SPRYD7: variants seen among roughly 807,000 people sequenced by gnomAD.
The protein encoded by SPRYD7 is SPRY domain containing 7, also known as SPRY domain-containing protein 7.
A neutral mutation model predicts 23.8 loss-of-function variants in SPRYD7; 14 were observed. The ratio of observed to expected loss-of-function variants is 0.59; its 90% CI spans 0.39 to 0.92. SPRYD7 has a LOEUF of 0.92. Among genes scored for constraint, SPRYD7 ranks in the 40% least tolerant of loss-of-function variants. The probability of loss-of-function intolerance (pLI) is 0.00; values close to 1 mark genes in which losing one functional copy is unlikely to be tolerated. For missense variants in SPRYD7, 194 were observed against 241.7 expected, an observed-to-expected ratio of 0.80 and a Z score of 1.31; for synonymous variants, 75 against 84.9, an observed-to-expected ratio of 0.88 and a Z score of 0.64.
intron 3 of SPRYD7, 140 bp from the exon 4 acceptor site, chr13:49,921,720 T>G (rs1175569500): frequency 1.7e-6 from 1 of 589,942 alleles, no homozygotes; most frequent in East Asian, 2.8e-5. Flanking sequence ...GAATCCTACT[T>G]GAACTGAGCT....
intron 4 of SPRYD7, among the ~76,000 whole-genome samples, chr13:49,917,180 T>C (rs1283783942): frequency 2.0e-5 from 3 of 152,140 alleles, no homozygotes; most frequent in Non-Finnish European, 2.9e-5. Flanking sequence ...CTCGGCTCAC[T>C]GCAAGCTCCG....
At chr13:49,923,984 CTT>C (rs1288975552) in intron 3 of SPRYD7, among the ~76,000 whole-genome samples, 50 of 135,228 alleles carry the variant, frequency 3.7e-4, no homozygotes, top group East Asian at 4.2e-4. Flanking sequence ...GAGACAAGGT[CTT>C]TTTTTTTTTT....
intron 2 of SPRYD7, among the ~76,000 whole-genome samples, chr13:49,929,966 C>T (rs918018236): frequency 2.0e-5 from 3 of 151,438 alleles, no homozygotes; most frequent in Non-Finnish European, 4.4e-5. Flanking sequence ...ATTTTTGTAT[C>T]TTTAGTAGAG....
chr13:49,923,113 AACTT>A (rs1025566849), intron 3 of SPRYD7, among the ~76,000 whole-genome samples: 8 of 152,222 alleles, frequency 5.3e-5, no homozygotes. Context: ...AAAAAACAAA[AACTT>A]AATTACATAA....
chr13:49,927,785 A>G (rs1246419969), intron 3 of SPRYD7, 134 bp downstream of exon 3: 6 of 886,092 alleles, frequency 6.8e-6, no homozygotes, highest in Non-Finnish European at 1.0e-5. Context: ...TCTCCTGGAA[A>G]ATGCACCATC....
intron 4 of SPRYD7, among the ~76,000 whole-genome samples, chr13:49,916,974 A>G (rs1229973432): frequency 6.6e-6 from 1 of 152,240 alleles, no homozygotes; most frequent in Non-Finnish European, 1.5e-5. Flanking sequence ...GGTAGAAGGC[A>G]AGGCATTTTC....
intron 3 of SPRYD7, among the ~76,000 whole-genome samples, chr13:49,923,618 A>T (rs941011234): frequency 1.3e-5 from 2 of 152,148 alleles, no homozygotes; most frequent in African/African-American, 4.8e-5. Context: ...AAGATGTGAG[A>T]AGTCCCACCC....
At chr13:49,919,817 AAAAG>A (rs1390072716) in intron 4 of SPRYD7, among the ~76,000 whole-genome samples, 2 of 151,910 alleles carry the variant, frequency 1.3e-5, no homozygotes, top group Non-Finnish European at 2.9e-5. Flanking sequence ...TAAAAAAAAA[AAAAG>A]AAAGAGACCT....
At chr13:49,916,357 A>G (rs1476941135) in intron 4 of SPRYD7, among the ~76,000 whole-genome samples, 1 of 152,226 alleles carries the variant, frequency 6.6e-6, no homozygotes, top group Non-Finnish European at 1.5e-5. Flanking sequence ...ATATTTCAGC[A>G]TAAATGCAGA....
chr13:49,914,969 A>G lies in SPRYD7; in HGVS notation c.*94T>C. 5.0e-6 allele frequency: 3 copies of G among 598,532 alleles called. No homozygotes were observed. The highest frequency in any genetic ancestry group is 3.8e-5 in the African/African-American group (2 of 52,104). 37.1% of individuals were successfully genotyped at this position (598,532 alleles called of 1,614,324 possible). On this transcript the variant is annotated 3_prime_UTR_variant, in exon 5 of 5. Transcript: ENST00000361840. ...GACAGCATCAACAAGCATATTTTTA[A>G]GAATATATTTTCATCTATAGGCCAG...
chr13:49,921,965 A>C (rs980618250), intron 3 of SPRYD7, among the ~76,000 whole-genome samples: 6 of 152,200 alleles, frequency 3.9e-5, no homozygotes, highest in Non-Finnish European at 1.5e-5. Flanking sequence ...AAAGAAGGAA[A>C]AACAATGAGG....
At chr13:49,919,948 G>T (rs961294719) in intron 4 of SPRYD7, among the ~76,000 whole-genome samples, 22 of 152,090 alleles carry the variant, frequency 1.4e-4, no homozygotes, top group African/African-American at 5.1e-4. Flanking sequence ...GGGTGGGGGG[G>T]TGTAGATGAA....
intron 2 of SPRYD7, among the ~76,000 whole-genome samples, chr13:49,929,520 G>C (rs1955922669): frequency 6.6e-6 from 1 of 152,130 alleles, no homozygotes; most frequent in South Asian, 2.1e-4. Flanking sequence ...TTTTGAGACA[G>C]AGTCTTGTAC....
chr13:49,932,341 A>C (rs578163191), intron 1 of SPRYD7, among the ~76,000 whole-genome samples: 10 of 152,320 alleles, frequency 6.6e-5, no homozygotes, highest in African/African-American at 2.4e-4. Context: ...TCACATTGCA[A>C]ATATGTAAAC....
chr13:49,921,361 T>G (rs1174854552), intron 4 of SPRYD7, 117 bp downstream of exon 4: 1 of 664,322 alleles, frequency 1.5e-6, no homozygotes, highest in African/African-American at 1.8e-5. Flanking sequence ...TAAACCTCTT[T>G]CCTTTATAAA....
Position 49,936,333 on chromosome 13 carries a change from T to G in SPRYD7, c.-98A>C. 1 of 817,950 alleles carries G rather than the reference T, an allele frequency of 1.2e-6. No homozygotes were observed. Among genetic ancestry groups the G allele is most frequent in the Non-Finnish European group, 1.9e-6 (1 of 537,886 alleles). The allele number at this position is 817,950 out of a possible 1,614,324, so 50.7% of individuals were successfully genotyped here. ...TCCTGCCCCCGCCCGAGGTCCGGAC[T>G]TGTCTATGTGGAGCTCGGAGGCCGG... On this transcript the variant is annotated 5_prime_UTR_variant, in exon 1 of 5. Coordinates refer to ENST00000361840, the MANE Select transcript of SPRYD7 (RefSeq NM_020456.4).
Position 49,912,805 on chromosome 13 carries a change from C to T in SPRYD7, c.*2258G>A, listed in dbSNP as rs1955705939. 1 of 152,102 alleles carries T rather than the reference C, an allele frequency of 6.6e-6. No homozygotes were observed. The highest frequency in any genetic ancestry group is 1.5e-5 in the Non-Finnish European group (1 of 68,030). The allele number at this position is 152,102 out of a possible 1,614,324, so 9.4% of individuals were successfully genotyped here. A position where few individuals can be genotyped will look rare whatever the true frequency, so the allele number is the denominator to read the frequency against. On this transcript the variant is annotated 3_prime_UTR_variant, in exon 5 of 5. Transcript: ENST00000361840. Reference sequence around the variant, plus strand: ...AGCCAGACAAAATGCATAATACATACATAGTTAAATTTCATATACCTTCAG... The same window carrying T: ...AGCCAGACAAAATGCATAATACATATATAGTTAAATTTCATATACCTTCAG...
At chr13:49,934,555 C>CA (rs889803067) in intron 1 of SPRYD7, among the ~76,000 whole-genome samples, 10,777 of 54,010 alleles carry the variant, frequency 0.2, 736 homozygotes, top group African/African-American at 0.23. Context: ...AACTCCGTCT[C>CA]AAAAAAAAAA....
intron 1 of SPRYD7, 39 bp downstream of exon 1, chr13:49,936,091 C>A (rs752671749): frequency 6.7e-7 from 1 of 1,494,240 alleles, no homozygotes; most frequent in East Asian, 2.6e-5. Flanking sequence ...GCGCCCGGCC[C>A]CCGTGAGCCG....
Sources: allele counts gnomAD v4.1 joint callset (sites outside exome capture counted in the v4.1 genomes callset), GRCh38; gene constraint gnomAD v4.1.1; transcripts MANE v1.5; gene names NCBI Gene and HGNC (gene_info 2026-07-23, HGNC 2026-07-21).